The following MAMLD1 variants were observed in gnomAD, a reference collection of about 807,000 sequenced individuals.
MAMLD1 encodes the protein mastermind-like domain-containing protein 1.
In MAMLD1, 14 loss-of-function variants were observed where a neutral mutation model predicts 45.0. The ratio of observed to expected loss-of-function variants is 0.31; its 90% confidence interval spans 0.21 to 0.49. MAMLD1 has a LOEUF of 0.49. Among genes scored for constraint, MAMLD1 ranks in the 20% least tolerant of loss-of-function variants. The probability of loss-of-function intolerance (pLI) is 0.99; values close to 1 mark genes in which losing one functional copy is unlikely to be tolerated. For synonymous variants in MAMLD1, 254 were observed against 247.8 expected, an observed-to-expected ratio of 1.02 and a Z score of -0.24; for missense variants, 543 against 603.6, an observed-to-expected ratio of 0.90 and a Z score of 1.05.
At chrX:150,372,024 A>G (rs2032030887) in intron 1 of MAMLD1, among the ~76,000 whole-genome samples, 1 of 112,035 alleles carries the variant, frequency 8.9e-6, no homozygotes, top group South Asian at 3.7e-4. Context: ...AGTGTAGAAC[A>G]TCCATTTTGC....
chrX:150,476,453 G>A (rs1232424538), intron 5 of MAMLD1, among the ~76,000 whole-genome samples: 1 of 112,282 alleles, frequency 8.9e-6, no homozygotes, highest in Non-Finnish European at 1.9e-5. Flanking sequence ...AAGGAGATGG[G>A]AGTTGGACTG....
intron 1 of MAMLD1, among the ~76,000 whole-genome samples, chrX:150,394,886 G>A (rs929257781): frequency 2.7e-5 from 3 of 111,270 alleles, no homozygotes; most frequent in Non-Finnish European, 3.8e-5. Context: ...GCAAACAAAG[G>A]CAGTTTTATT....
intron 5 of MAMLD1, among the ~76,000 whole-genome samples, chrX:150,484,415 C>A (rs781981366): frequency 4.4e-5 from 5 of 112,449 alleles, no homozygotes; most frequent in Non-Finnish European, 9.4e-5. Flanking sequence ...AGAAAGGTCT[C>A]CTGACTCCCT....
chrX:150,431,956 A>C (rs782424870), intron 1 of MAMLD1, among the ~76,000 whole-genome samples: 11 of 111,710 alleles, frequency 9.8e-5, no homozygotes, highest in African/African-American at 3.6e-4. Flanking sequence ...TGGCTGGGTC[A>C]AGTGTTAATT....
At chrX:150,478,654 C>A (rs2036654692) in intron 5 of MAMLD1, among the ~76,000 whole-genome samples, 2 of 112,487 alleles carry the variant, frequency 1.8e-5, no homozygotes, top group Non-Finnish European at 1.9e-5. Context: ...AAGGAAGTGC[C>A]TCCACTTGCC....
Position 150,397,381 on chromosome X carries a change from ATGTC to A in MAMLD1, c.-64+33853_-64+33856del, listed in dbSNP as rs1205992197. 3.6e-5 allele frequency among the ~76,000 whole-genome samples: 4 copies of A among 112,112 alleles called. No homozygotes were observed. In the Admixed American group the frequency reaches 3.8e-4, roughly 11 times the overall value. Reference sequence around the variant, plus strand: ...GCAAGGTGTGTCTTTCCATTCATTCATGTCTACTTTTGCATCTTTCAGGAGTGTT... The same window carrying A: ...GCAAGGTGTGTCTTTCCATTCATTCATACTTTTGCATCTTTCAGGAGTGTT... On this transcript the variant is annotated intron_variant, in intron 1 of 7. Transcript: ENST00000370401.
intron 5 of MAMLD1, among the ~76,000 whole-genome samples, chrX:150,479,793 G>A (rs1281826463): frequency 8.9e-6 from 1 of 111,888 alleles, no homozygotes; most frequent in Non-Finnish European, 1.9e-5. Context: ...AAGTGCTGTC[G>A]CTCTACTACT....
At chrX:150,386,824 G>T (rs1169615590) in intron 1 of MAMLD1, among the ~76,000 whole-genome samples, 4 of 109,101 alleles carry the variant, frequency 3.7e-5, no homozygotes, top group African/African-American at 1.3e-4. Flanking sequence ...TTTTTTTCCA[G>T]TATAAGGCAC....
intron 1 of MAMLD1, among the ~76,000 whole-genome samples, chrX:150,442,090 T>C (rs1557404572): frequency 1.8e-5 from 2 of 108,698 alleles, no homozygotes; most frequent in Non-Finnish European, 3.8e-5. Flanking sequence ...TTATCTAATA[T>C]CACTAGAGCC....
intron 2 of MAMLD1, among the ~76,000 whole-genome samples, chrX:150,447,725 C>T (rs2035536372): frequency 9.0e-6 from 1 of 111,345 alleles, no homozygotes; most frequent in South Asian, 3.9e-4. Context: ...TTTGCAAGAG[C>T]TGGGCTTGCA....
chrX:150,480,709 G>T (rs782124003), intron 5 of MAMLD1, among the ~76,000 whole-genome samples: 4 of 112,367 alleles, frequency 3.6e-5, no homozygotes, highest in African/African-American at 1.3e-4. Flanking sequence ...TCACACAGAC[G>T]AAAAGCACAG....
chrX:150,375,041 G>A (rs1412084601), intron 1 of MAMLD1, among the ~76,000 whole-genome samples: 1 of 110,380 alleles, frequency 9.1e-6, no homozygotes, highest in Non-Finnish European at 1.9e-5. Context: ...TGTGTGGGGG[G>A]TCTGCTTAGG....
intron 1 of MAMLD1, among the ~76,000 whole-genome samples, chrX:150,432,754 A>T (rs2034995685): frequency 9.0e-6 from 1 of 111,635 alleles, no homozygotes; most frequent in Admixed American, 9.5e-5. Flanking sequence ...CGGGCTCTCT[A>T]TTATGTTTCA....
rs190809702 is a variant in MAMLD1 at position 150,432,213 on chromosome X, A to G, written c.-63-13241A>G. Among the ~76,000 whole-genome samples, 52 of 111,740 alleles carry G rather than the reference A, an allele frequency of 4.7e-4. 1 individual carries two copies. The highest frequency in any genetic ancestry group is 2.8e-3 in the East Asian group (10 of 3,563). ...ATTTTCTCATATGCTTGTTTGCCACATGTATGACTTCTTTTAAAAAGTATC... is the reference window on the plus strand; with the variant it reads ...ATTTTCTCATATGCTTGTTTGCCACGTGTATGACTTCTTTTAAAAAGTATC... On this transcript the variant is annotated intron_variant, in intron 1 of 7. Coordinates refer to ENST00000370401, the MANE Select transcript of MAMLD1 (RefSeq NM_005491.5).
chrX:150,493,723 G>A (rs1433334337), intron 5 of MAMLD1, among the ~76,000 whole-genome samples: 1 of 111,460 alleles, frequency 9.0e-6, no homozygotes, highest in African/African-American at 3.3e-5. Flanking sequence ...TATTCTGTGC[G>A]GATTTCCACA....
chrX:150,370,600 C>T (rs1418796083), intron 1 of MAMLD1, among the ~76,000 whole-genome samples: 1 of 110,968 alleles, frequency 9.0e-6, no homozygotes, highest in Non-Finnish European at 1.9e-5. Context: ...CCCAAATTAC[C>T]AGCCCAGGGC....
At chrX:150,367,806 G>C (rs1182733981) in intron 1 of MAMLD1, among the ~76,000 whole-genome samples, 2 of 108,994 alleles carry the variant, frequency 1.8e-5, no homozygotes, top group Non-Finnish European at 3.8e-5. Context: ...GAGAACATGC[G>C]GTGTTTGGTT....
chrX:150,375,104 G>A (rs1483959515), intron 1 of MAMLD1, among the ~76,000 whole-genome samples: 4 of 110,711 alleles, frequency 3.6e-5, no homozygotes, highest in African/African-American at 9.9e-5. Context: ...AACCTTCCCC[G>A]TCTAACCCTG....
intron 1 of MAMLD1, among the ~76,000 whole-genome samples, chrX:150,407,400 C>T (rs2034025533): frequency 8.9e-6 from 1 of 111,737 alleles, no homozygotes; most frequent in South Asian, 3.7e-4. Context: ...TGGTTTGTTG[C>T]CAACATGCAT....
Sources: allele counts gnomAD v4.1 joint callset (sites outside exome capture counted in the v4.1 genomes callset), GRCh38; gene constraint gnomAD v4.1.1; transcripts MANE v1.5; gene names NCBI Gene and HGNC (gene_info 2026-07-23, HGNC 2026-07-21).